RAD52: variants seen among roughly 807,000 people sequenced by gnomAD.
The protein encoded by RAD52 is RAD52 DNA repair protein, also known as DNA repair protein RAD52 homolog.
A neutral mutation model predicts 55.5 loss-of-function variants in RAD52; 47 were observed. That is an observed-to-expected ratio of 0.85 (90% CI 0.67 to 1.08). The LOEUF (loss-of-function observed/expected upper bound fraction) is 1.08. Ranked by LOEUF, RAD52 falls within the 50% of genes least tolerant of loss-of-function variation. The probability of loss-of-function intolerance (pLI) is 0.00; values close to 1 mark genes in which losing one functional copy is unlikely to be tolerated. For missense variants in RAD52, 468 were observed against 522.8 expected, an observed-to-expected ratio of 0.90 and a Z score of 1.02; for synonymous variants, 184 against 198.9, an observed-to-expected ratio of 0.92 and a Z score of 0.63.
At chr12:921,746 T>A (rs1320253973) in intron 7 of RAD52, among the ~76,000 whole-genome samples, 1 of 151,620 alleles carries the variant, frequency 6.6e-6, no homozygotes, top group African/African-American at 2.4e-5. Flanking sequence ...TAAAACAAAA[T>A]AAAATGACAA....
At position 925,500 on chromosome 12, in the gene RAD52, A is replaced by C; in HGVS notation, c.493T>G (p.Cys165Gly). The change falls in exon 7 of 12, where the codon TGT (cysteine) becomes GGT (glycine). Residue 165 changes from cysteine (C) to glycine (G), a missense_variant. Physicochemically the swap from Cys to Gly is radical, Grantham distance 159. Transcript: ENST00000358495. ...LRSFGNALGN[C>G]ILDKDYLRSL... ...CTCAGGTAGTCTTTGTCCAGAATAC[A>C]GTTTCCAAGTGCATTCCCAAAACTC... 6.2e-7 allele frequency: 1 copy of C among 1,613,950 alleles called. No individual in the cohort carries two copies. Among genetic ancestry groups the C allele is most frequent in the East Asian group, 2.2e-5 (1 of 44,880 alleles).
chr12:954,489 A>G (rs764768754), upstream of RAD52, among the ~76,000 whole-genome samples: 2 of 152,026 alleles, frequency 1.3e-5, no homozygotes, highest in African/African-American at 2.4e-5. Context: ...AAAATTAGCC[A>G]GGTGTGGTGA....
chr12:950,896 C>T (rs886369751), upstream of RAD52, among the ~76,000 whole-genome samples: 9 of 152,094 alleles, frequency 5.9e-5, no homozygotes, highest in Middle Eastern at 3.4e-3. Flanking sequence ...CATTATCTCC[C>T]CCAGCCCCTT....
At chr12:967,145 G>T (rs942558581) in intron 1 of RAD52, among the ~76,000 whole-genome samples, 1 of 152,016 alleles carries the variant, frequency 6.6e-6, no homozygotes, top group Non-Finnish European at 1.5e-5. Flanking sequence ...TTGGAAGGCC[G>T]AGGTGGGCAG....
At chr12:984,201 T>G (rs1012216039) in intron 1 of RAD52, among the ~76,000 whole-genome samples, 2 of 152,104 alleles carry the variant, frequency 1.3e-5, no homozygotes, top group African/African-American at 4.8e-5. Context: ...TCTCTATGAA[T>G]TTTTTTCTTT....
upstream of RAD52, among the ~76,000 whole-genome samples, chr12:990,851 T>C (rs1388824688): frequency 2.0e-5 from 3 of 151,244 alleles, no homozygotes; most frequent in Non-Finnish European, 4.4e-5. Flanking sequence ...AGCGTCCACT[T>C]CCTACGGCAA....
chr12:936,236 G>A (rs1193310425), intron 1 of RAD52, among the ~76,000 whole-genome samples: 2 of 151,810 alleles, frequency 1.3e-5, no homozygotes, highest in African/African-American at 4.8e-5. Flanking sequence ...CCCGGGAGGC[G>A]GAGGTTGCAG....
chr12:914,122 C>T lies in RAD52; in HGVS notation c.968-1G>A. The T allele has an allele frequency of 6.2e-7, 1 of 1,612,514 alleles. No homozygotes were observed. The highest frequency in any genetic ancestry group is 8.5e-7 in the Non-Finnish European group (1 of 1,178,596). ...TTTTCAGAGTTGTCTTCAAGAGTCT[C>T]TACAGAGGTCAAGGAAAAGTGCGTC... On this transcript the variant is annotated splice_acceptor_variant, in intron 10 of 11. Coordinates refer to ENST00000358495, the MANE Select transcript of RAD52 (RefSeq NM_134424.4). LOFTEE classifies it high-confidence loss of function.
At chr12:971,373 G>C (rs1958848957) in intron 1 of RAD52, among the ~76,000 whole-genome samples, 1 of 151,912 alleles carries the variant, frequency 6.6e-6, no homozygotes, top group Non-Finnish European at 1.5e-5. Context: ...AAGATATAAA[G>C]ATAAGCTAAT....
At chr12:926,436 C>T (rs867855792) in intron 6 of RAD52, among the ~76,000 whole-genome samples, 1 of 152,036 alleles carries the variant, frequency 6.6e-6, no homozygotes, top group Non-Finnish European at 1.5e-5. Context: ...CCCAGGAGTT[C>T]AAGGCTGCAC....
intron 1 of RAD52, among the ~76,000 whole-genome samples, chr12:962,296 T>C (rs1047832335): frequency 2.0e-5 from 3 of 151,620 alleles, no homozygotes; most frequent in Non-Finnish European, 4.4e-5. Flanking sequence ...ATCGAGAGAA[T>C]GCACAATGAG....
intron 7 of RAD52, among the ~76,000 whole-genome samples, chr12:920,601 C>A (rs1956673599): frequency 6.6e-6 from 1 of 150,378 alleles, no homozygotes; most frequent in South Asian, 2.1e-4. Context: ...GAAGATATAA[C>A]AATTATAAAT....
intron 1 of RAD52, among the ~76,000 whole-genome samples, chr12:963,363 G>C (rs1012971564): frequency 1.3e-5 from 2 of 152,092 alleles, no homozygotes; most frequent in African/African-American, 4.8e-5. Context: ...TAGGAACTGA[G>C]AATAGAGCAA....
intron 1 of RAD52, among the ~76,000 whole-genome samples, chr12:967,960 G>A (rs1186444251): frequency 3.9e-5 from 6 of 152,060 alleles, no homozygotes; most frequent in African/African-American, 1.2e-4. Context: ...TGGGATTACT[G>A]GTGTGAGCCA....
intron 1 of RAD52, among the ~76,000 whole-genome samples, chr12:973,946 TG>T (rs1204092869): frequency 1.3e-5 from 2 of 152,130 alleles, no homozygotes; most frequent in East Asian, 3.9e-4. Context: ...CCACCACACC[TG>T]GCTTATTTAT....
intron 1 of RAD52, among the ~76,000 whole-genome samples, chr12:940,578 A>G (rs1284983694): frequency 6.6e-6 from 1 of 151,970 alleles, no homozygotes. Context: ...GCGCCACTGC[A>G]CTCCAGCCTG....
intron 7 of RAD52, among the ~76,000 whole-genome samples, chr12:925,058 C>G (rs1027687034): frequency 6.7e-6 from 1 of 150,332 alleles, no homozygotes; most frequent in African/African-American, 2.5e-5. Flanking sequence ...TCACGCCATT[C>G]TCCTGCCTCA....
At chr12:914,924 A>C (rs1956275805) in intron 9 of RAD52, among the ~76,000 whole-genome samples, 1 of 152,202 alleles carries the variant, frequency 6.6e-6, no homozygotes, top group Non-Finnish European at 1.5e-5. Flanking sequence ...TTGGGAGGCC[A>C]AGGTGGGAGG....
At chr12:935,440 G>T (rs1235396144) in intron 1 of RAD52, among the ~76,000 whole-genome samples, 4 of 150,302 alleles carry the variant, frequency 2.7e-5, no homozygotes, top group Admixed American at 1.3e-4. Context: ...CCCTGCAGTG[G>T]TGTGGTCTCA....
Sources: gnomAD v4.1 joint callset for allele counts (sites outside exome capture counted in the v4.1 genomes callset) on GRCh38, gnomAD v4.1.1 for gene constraint, MANE v1.5 for transcripts, NCBI Gene and HGNC (gene_info 2026-07-23, HGNC 2026-07-21) for gene names.